Variants in MGMT observed in about 807,000 individuals in gnomAD.
MGMT encodes methylated-DNA--protein-cysteine methyltransferase.
MGMT carries 14 observed loss-of-function variants against 15.9 expected under a neutral mutation model. That is an observed-to-expected ratio of 0.88 (90% CI 0.58 to 1.37). MGMT has a LOEUF of 1.37. MGMT is among the 40% of genes most tolerant of loss of function. The pLI is 0.00. For missense variants in MGMT, 282 were observed against 268.1 expected (o/e 1.05, Z -0.36); for synonymous variants, 130 against 118.2 (o/e 1.10, Z -0.65).
At chr10:129,686,647 G>A (rs1165709986) in intron 2 of MGMT, among the ~76,000 whole-genome samples, 4 of 152,188 alleles carry the variant, frequency 2.6e-5, no homozygotes, top group Non-Finnish European at 5.9e-5. Context: ...ATAGACATGT[G>A]CCACCGTGCC....
intron 2 of MGMT, among the ~76,000 whole-genome samples, chr10:129,676,151 C>G (rs543693297): frequency 3.9e-4 from 59 of 152,316 alleles, no homozygotes; most frequent in African/African-American, 1.4e-3. Context: ...CCATCCTGTG[C>G]GTGAATCAAT....
At chr10:129,592,863 A>T (rs1846704814) in intron 2 of MGMT, among the ~76,000 whole-genome samples, 1 of 152,150 alleles carries the variant, frequency 6.6e-6, no homozygotes, top group Admixed American at 6.5e-5. Flanking sequence ...ACATGAAATC[A>T]GTTCATAACT....
chr10:129,687,065 G>C (rs917827795), intron 2 of MGMT, among the ~76,000 whole-genome samples: 8 of 152,186 alleles, frequency 5.3e-5, no homozygotes, highest in Non-Finnish European at 8.8e-5. Context: ...CTCCTTAGTC[G>C]CTGCAACCCT....
At chr10:129,665,507 T>C (rs939674811) in intron 2 of MGMT, among the ~76,000 whole-genome samples, 57 of 151,994 alleles carry the variant, frequency 3.8e-4, no homozygotes, top group Non-Finnish European at 2.9e-5. Flanking sequence ...ATGCATTTGA[T>C]AGTGGAAGAA....
intron 3 of MGMT, among the ~76,000 whole-genome samples, chr10:129,708,553 G>T (rs939296741): frequency 6.6e-6 from 1 of 152,144 alleles, no homozygotes; most frequent in African/African-American, 2.4e-5. Flanking sequence ...CTTAAGAGAT[G>T]ACTTGAGAAC....
intron 2 of MGMT, among the ~76,000 whole-genome samples, chr10:129,590,159 C>A (rs1846665913): frequency 6.6e-6 from 1 of 152,250 alleles, no homozygotes. Flanking sequence ...CCCACATTCT[C>A]TGCTAATTCC....
intron 2 of MGMT, among the ~76,000 whole-genome samples, chr10:129,541,496 G>A (rs779527451): frequency 2.0e-4 from 30 of 152,104 alleles, no homozygotes; most frequent in Admixed American, 6.6e-5. Context: ...TGTTATTTTG[G>A]GGCTTGTTTA....
At chr10:129,709,096 T>G (rs1399828562) in intron 3 of MGMT, among the ~76,000 whole-genome samples, 3 of 152,258 alleles carry the variant, frequency 2.0e-5, no homozygotes, top group African/African-American at 4.8e-5. Flanking sequence ...GGCACCTTGC[T>G]GTCCTCTGAA....
At chr10:129,736,242 C>T (rs911450430) in intron 3 of MGMT, among the ~76,000 whole-genome samples, 2 of 149,760 alleles carry the variant, frequency 1.3e-5, no homozygotes, top group Non-Finnish European at 3.0e-5. Flanking sequence ...AATCTGGGTG[C>T]TCCTGTATTG....
At chr10:129,522,047 A>G (rs1253542726) in intron 1 of MGMT, among the ~76,000 whole-genome samples, 2 of 110,146 alleles carry the variant, frequency 1.8e-5, no homozygotes, top group Admixed American at 1.0e-4. Context: ...AGCTGCTGGG[A>G]CTTAATGCAC....
At chr10:129,635,410 G>A (rs768102200) in intron 2 of MGMT, among the ~76,000 whole-genome samples, 6 of 152,214 alleles carry the variant, frequency 3.9e-5, no homozygotes, top group African/African-American at 7.2e-5. Flanking sequence ...CCGGGTGCCC[G>A]GAACTCTCAG....
chr10:129,576,662 C>T (rs934046469), intron 2 of MGMT, among the ~76,000 whole-genome samples: 50 of 152,292 alleles, frequency 3.3e-4, no homozygotes, highest in African/African-American at 1.1e-3. Flanking sequence ...TCCTATTCAA[C>T]ATAGTGTTGG....
intron 2 of MGMT, among the ~76,000 whole-genome samples, chr10:129,593,393 C>T (rs746845674): frequency 2.4e-4 from 36 of 152,200 alleles, no homozygotes; most frequent in Non-Finnish European, 1.2e-4. Context: ...TCCCTCCTGC[C>T]TCCCCAGCTC....
intron 1 of MGMT, among the ~76,000 whole-genome samples, chr10:129,530,741 G>C (rs535415809): frequency 6.6e-6 from 1 of 152,334 alleles, no homozygotes; most frequent in East Asian, 1.9e-4. Flanking sequence ...TGGCCATGGC[G>C]GCCTCAGGGC....
chr10:129,571,487 G>T (rs1245684936), intron 2 of MGMT, among the ~76,000 whole-genome samples: 1 of 152,166 alleles, frequency 6.6e-6, no homozygotes, highest in Non-Finnish European at 1.5e-5. Flanking sequence ...TTGAAGTATT[G>T]TATGTTCCTG....
rs537754888 is a variant in MGMT, at chr10:129,753,384, T to G, written c.275-5818T>G. ...ATCTTTTGCCAAATTTGACAAAATT[T>G]TAGCTATCGTTTATTTGAATTTTTT... On this transcript the variant is annotated intron_variant, in intron 3 of 4. Transcript: ENST00000651593. 2.0e-5 allele frequency among the ~76,000 whole-genome samples: 3 copies of G among 152,330 alleles called. No homozygotes were observed. The South Asian group carries it at 6.2e-4, about 32-fold the overall frequency.
chr10:129,606,334 C>T (rs1252777234), intron 2 of MGMT, among the ~76,000 whole-genome samples: 10 of 152,162 alleles, frequency 6.6e-5, no homozygotes, highest in African/African-American at 1.9e-4. Flanking sequence ...TCGTTAACAC[C>T]GTGTACTGAA....
intron 2 of MGMT, among the ~76,000 whole-genome samples, chr10:129,628,644 A>G (rs1433975133): frequency 1.3e-5 from 2 of 152,212 alleles, no homozygotes; most frequent in Non-Finnish European, 2.9e-5. Context: ...ATGAGTCCAC[A>G]GTTCGTGTCG....
At chr10:129,542,202 A>G (rs1846049580) in intron 2 of MGMT, among the ~76,000 whole-genome samples, 1 of 151,998 alleles carries the variant, frequency 6.6e-6, no homozygotes, top group South Asian at 2.1e-4. Flanking sequence ...GCTCATCTCT[A>G]AATGTGTTCA....
Sources: allele counts gnomAD v4.1 joint callset (sites outside exome capture counted in the v4.1 genomes callset), GRCh38; gene constraint gnomAD v4.1.1; transcripts MANE v1.5; gene names NCBI Gene and HGNC (gene_info 2026-07-23, HGNC 2026-07-21).